GSG1: variants seen among roughly 807,000 people sequenced by gnomAD.
GSG1 encodes the protein germ cell-specific gene 1 protein.
In GSG1, 28 loss-of-function variants were observed where a neutral mutation model predicts 30.8. The ratio of observed to expected loss-of-function variants is 0.91; its 90% CI spans 0.67 to 1.25. GSG1 has a LOEUF of 1.25. GSG1 is among the 50% of genes most tolerant of loss of function. GSG1 has a pLI of 0.00. For missense variants in GSG1, 435 were observed against 444.7 expected, an observed-to-expected ratio of 0.98 and a Z score of 0.20; for synonymous variants, 162 against 178.0, an observed-to-expected ratio of 0.91 and a Z score of 0.71.
intron 4 of GSG1, 145 bp from the exon 5 acceptor site, chr12:13,088,204 A>T (rs1865727296): frequency 1.2e-6 from 1 of 823,864 alleles, no homozygotes; most frequent in Admixed American, 2.7e-5. Flanking sequence ...CCAGGGAGGA[A>T]CATTACTTCA....
At position 13,099,596 on chromosome 12, in the gene GSG1, C is replaced by T. The variant is rs529389032; in HGVS notation, c.48+3869G>A. On this transcript the variant is annotated intron_variant, in intron 1 of 6. Transcript: ENST00000651961. ...GGTGTTGGGGCACCTACACATACTT[C>T]GTAAATGGGAATGCAATTTATTGTT... Among the ~76,000 whole-genome samples, 10 of 152,266 alleles carry T rather than the reference C, an allele frequency of 6.6e-5. No homozygotes were observed. In the South Asian group the frequency reaches 1.7e-3, roughly 25 times the overall value.
chr12:13,090,373 C>T (rs1189712485), intron 2 of GSG1, 130 bp downstream of exon 2: 25 of 773,826 alleles, frequency 3.2e-5, no homozygotes, highest in Non-Finnish European at 1.8e-5. Flanking sequence ...GTGAGGCCCA[C>T]TGGGGTGTGG....
Position 13,090,599 on chromosome 12 carries a change from C to T in GSG1, c.268G>A (p.Val90Ile), listed in dbSNP as rs773851434. The T allele has an allele frequency of 1.9e-6, 3 of 1,614,250 alleles. No individual in the cohort carries two copies. Among genetic ancestry groups the T allele is most frequent in the Non-Finnish European group, 2.5e-6 (3 of 1,180,036 alleles). Reference protein sequence around the residue: ...GDTNTSTQEVVQYNWETGDDR... With the variant: ...GDTNTSTQEVIQYNWETGDDR... ...TCCCCAGTCTCCCAGTTGTATTGTA[C>T]CACCTCCTGGGTGGATGTGTTGGTA... The change falls in exon 2 of 7, where the codon GTA (valine) becomes ATA (isoleucine). Residue 90 changes from valine (V) to isoleucine (I), a missense_variant. Physicochemically the swap from Val to Ile is conservative, Grantham distance 29. Coordinates refer to ENST00000651961, the MANE Select transcript of GSG1 (RefSeq NM_001080555.4).
chr12:13,092,381 G>A (rs911832821), intron 1 of GSG1, among the ~76,000 whole-genome samples: 7 of 152,174 alleles, frequency 4.6e-5, no homozygotes, highest in Non-Finnish European at 1.0e-4. Flanking sequence ...GAGCGAGAGA[G>A]AGAGAAGGTG....
rs1208722479 is a variant in GSG1, at chr12:13,090,696, C to G, written c.171G>C (p.Lys57Asn). 1 of 1,614,218 alleles carries G rather than the reference C, an allele frequency of 6.2e-7. No homozygotes were observed. The highest frequency in any genetic ancestry group is 1.7e-5 in the Admixed American group (1 of 60,032). The stretch of plus-strand genomic sequence containing the variant: ...CTTTCTCGCACAGGGGCTTGGGCAC[C>G]TTCTGTGTGCCCACAAACCAGTAGT... ...LSNYWFVGTQ[K>N]VPKPLCEKGL... Residue 57 changes from lysine (K) to asparagine (N), a missense_variant, in exon 2 of 7, where the codon AAG becomes AAC. Physicochemically the swap from Lys to Asn is moderately conservative, Grantham distance 94. Transcript: ENST00000651961.
At chr12:13,092,398 T>C (rs535463998) in intron 1 of GSG1, among the ~76,000 whole-genome samples, 1 of 152,278 alleles carries the variant, frequency 6.6e-6, no homozygotes, top group East Asian at 1.9e-4. Context: ...GGTGGATTGC[T>C]GCACATTTGA....
chr12:13,103,457 G>A lies in GSG1; in HGVS notation c.48+8C>T, dbSNP rs745308651. On this transcript the variant is annotated splice_region_variant and intron_variant, in intron 1 of 6. Coordinates refer to ENST00000651961, the MANE Select transcript of GSG1 (RefSeq NM_001080555.4). ...ATGTTCATGAGATTTCAAAATCACT[G>A]TACCTACCTCCTGGGTGAGGCAAAC... 5.6e-6 allele frequency: 9 copies of A among 1,609,384 alleles called. No homozygotes were observed. The South Asian group carries it at 9.9e-5, about 18-fold the overall frequency.
intron 1 of GSG1, among the ~76,000 whole-genome samples, chr12:13,100,377 TCAAA>T (rs1863112634): frequency 6.6e-6 from 1 of 152,212 alleles, no homozygotes; most frequent in Admixed American, 6.5e-5. Flanking sequence ...CAGAGTTTCA[TCAAA>T]CAGATTCTCT....
intron 1 of GSG1, among the ~76,000 whole-genome samples, chr12:13,098,917 C>T (rs1180293322): frequency 6.6e-6 from 1 of 152,192 alleles, no homozygotes; most frequent in Non-Finnish European, 1.5e-5. Context: ...CTTCAGCTTC[C>T]ATGTCCCCTA....
At chr12:13,085,807 T>C (rs1429512450) in intron 6 of GSG1, among the ~76,000 whole-genome samples, 1 of 152,136 alleles carries the variant, frequency 6.6e-6, no homozygotes, top group Non-Finnish European at 1.5e-5. Context: ...CAGGAAAACA[T>C]TTACTACAAA....
In GSG1 at chr12:13,085,088, C is replaced by T. The variant is rs373360047; in HGVS notation, c.902G>A (p.Arg301Gln). Reference sequence around the variant, plus strand: ...CACGGTGGGGGCTGCACTTGACAGCCGCCGAGGGAAACACTGATGGTGATG... The same window carrying T: ...CACGGTGGGGGCTGCACTTGACAGCTGCCGAGGGAAACACTGATGGTGATG... ...LPHHHQCFPRRLSSAAPTVGP... is the reference protein window; with the variant it reads ...LPHHHQCFPRQLSSAAPTVGP... The change falls in exon 7 of 7, where the codon CGG becomes CAG. Residue 301 changes from arginine to glutamine, a missense_variant. Coordinates refer to ENST00000651961, the MANE Select transcript of GSG1 (RefSeq NM_001080555.4). The T allele has an allele frequency of 9.9e-5, 159 of 1,613,158 alleles. 1 individual carries two copies. In the East Asian group the frequency reaches 1.1e-3, roughly 11 times the overall value.
At chr12:13,095,203 A>G (rs892534222) in intron 1 of GSG1, among the ~76,000 whole-genome samples, 1 of 152,182 alleles carries the variant, frequency 6.6e-6, no homozygotes, top group African/African-American at 2.4e-5. Flanking sequence ...TTCCCCAAAC[A>G]TGCCTTTTCC....
chr12:13,087,612 A>T (rs1011538566), intron 5 of GSG1, among the ~76,000 whole-genome samples: 1 of 152,168 alleles, frequency 6.6e-6, no homozygotes, highest in African/African-American at 2.4e-5. Context: ...TCCAATGGAG[A>T]CTGGTCTTGA....
At position 13,084,739 on chromosome 12, in the gene GSG1, C is replaced by T. The variant is rs1865341506; in HGVS notation, c.*162G>A. The T allele has an allele frequency of 1.9e-6, 1 of 538,848 alleles. No individual in the cohort carries two copies. Among genetic ancestry groups the T allele is most frequent in the Middle Eastern group, 4.1e-4 (1 of 2,446 alleles). The allele number at this position is 538,848 out of a possible 1,614,324, so 33.4% of individuals were successfully genotyped here. On this transcript the variant is annotated 3_prime_UTR_variant, in exon 7 of 7. Transcript: ENST00000651961. ...GCTGTAGAGGAAAAGAGAGCAGTGG[C>T]ACCCAGGAATCCCTTAGGACTTAAA... is the stretch of plus-strand genomic sequence containing the variant.
intron 1 of GSG1, among the ~76,000 whole-genome samples, chr12:13,097,144 G>A (rs145260457): frequency 1.3e-3 from 200 of 151,916 alleles, no homozygotes; most frequent in Middle Eastern, 6.8e-3. Context: ...AGATTCTGCC[G>A]CTGTTTGTGA....
chr12:13,088,929 A>C lies in GSG1; in HGVS notation c.434-20T>G, dbSNP rs765834004. The C allele has an allele frequency of 5.0e-5, 80 of 1,613,708 alleles. No individual in the cohort carries two copies. Among genetic ancestry groups the C allele is most frequent in the Non-Finnish European group, 6.5e-5 (77 of 1,179,814 alleles). ...TCTCCCCTGAAACATACAAGGTACA[A>C]CGTCATGGAGCTACTCCCTGGGATG... On this transcript the variant is annotated intron_variant, in intron 3 of 6. Transcript: ENST00000651961.
At position 13,084,006 on chromosome 12, in the gene GSG1, T is replaced by C. The variant is rs1333488705; in HGVS notation, c.*895A>G. The C allele has an allele frequency of 6.6e-6, 1 of 152,164 alleles. No homozygotes were observed. The highest frequency in any genetic ancestry group is 1.5e-5 in the Non-Finnish European group (1 of 68,032). 9.4% of individuals were successfully genotyped at this position (152,164 alleles called of 1,614,324 possible). The stretch of plus-strand genomic sequence containing the variant: ...GCCGTAATAAACATATGTGTGCATG[T>C]GTCTTTATAGCAGCATGATTTGTAA... On this transcript the variant is annotated 3_prime_UTR_variant, in exon 7 of 7. Coordinates refer to ENST00000651961, the MANE Select transcript of GSG1 (RefSeq NM_001080555.4).
In GSG1 at chr12:13,090,708, C is replaced by G. The variant is rs772969163; in HGVS notation, c.159G>C (p.Val53=). 2 of 1,613,896 alleles carry G rather than the reference C, an allele frequency of 1.2e-6. No individual in the cohort carries two copies. Among genetic ancestry groups the G allele is most frequent in the South Asian group, 2.2e-5 (2 of 91,050 alleles). ...GGGGCTTGGGCACCTTCTGTGTGCC[C>G]ACAAACCAGTAGTTGCTGAGCAGGG... is the stretch of plus-strand genomic sequence containing the variant. ...TTSLLSNYWF[V]GTQKVPKPLC... Residue 53 remains valine, a synonymous_variant, in exon 2 of 7, where the codon GTG becomes GTC. Coordinates refer to ENST00000651961, the MANE Select transcript of GSG1 (RefSeq NM_001080555.4).
intron 1 of GSG1, among the ~76,000 whole-genome samples, chr12:13,092,449 C>A (rs1197261104): frequency 5.3e-5 from 8 of 152,182 alleles, no homozygotes; most frequent in African/African-American, 1.9e-4. Flanking sequence ...AGTCCTGCCC[C>A]TTCTGAGGCT....
Sources: gnomAD v4.1 joint callset for allele counts (sites outside exome capture counted in the v4.1 genomes callset) on GRCh38, gnomAD v4.1.1 for gene constraint, MANE v1.5 for transcripts, NCBI Gene and HGNC (gene_info 2026-07-23, HGNC 2026-07-21) for gene names.